Variants in DYM observed in about 807,000 individuals in gnomAD.
DYM encodes the protein dyggve-Melchior-Clausen syndrome protein.
DYM carries 78 observed loss-of-function variants against 93.1 expected under a neutral mutation model. The observed-to-expected ratio is 0.84, with a 90% confidence interval of 0.70 to 1.01. DYM has a LOEUF of 1.01. Ranked by LOEUF, DYM falls within the 50% of genes least tolerant of loss-of-function variation. The pLI is 0.00. For missense variants in DYM, 789 were observed against 845.0 expected (o/e 0.93, Z 0.82); for synonymous variants, 321 against 319.7 (o/e 1.00, Z -0.04).
chr18:49,085,841 G>T (rs1054494652), intron 17 of DYM, among the ~76,000 whole-genome samples: 1 of 152,132 alleles, frequency 6.6e-6, no homozygotes, highest in African/African-American at 2.4e-5. Flanking sequence ...CGTCTGACTG[G>T]TGATCCACCC....
intron 14 of DYM, among the ~76,000 whole-genome samples, chr18:49,178,018 G>C (rs1366686386): frequency 6.6e-6 from 1 of 152,068 alleles, no homozygotes; most frequent in Non-Finnish European, 1.5e-5. Context: ...CCTGAATAAA[G>C]AAGTAGCTCC....
intron 11 of DYM, among the ~76,000 whole-genome samples, chr18:49,266,042 C>G (rs921787499): frequency 6.6e-6 from 1 of 151,954 alleles, no homozygotes; most frequent in Non-Finnish European, 1.5e-5. Flanking sequence ...TGCTTGTAAT[C>G]CCAGCTACTT....
chr18:49,400,761 C>G (rs2070723250), intron 2 of DYM, among the ~76,000 whole-genome samples: 1 of 152,018 alleles, frequency 6.6e-6, no homozygotes, highest in Non-Finnish European at 1.5e-5. Flanking sequence ...ATTTTCTAAA[C>G]TTCTTGGAAC....
intron 13 of DYM, among the ~76,000 whole-genome samples, chr18:49,220,664 C>A (rs36154537): frequency 7.9e-5 from 12 of 151,916 alleles, no homozygotes; most frequent in African/African-American, 1.7e-4. Flanking sequence ...AAAGGATTCC[C>A]TATTTAATAA....
rs1239563129 is a variant in DYM at position 49,272,297 on chromosome 18, G to A, written c.1132C>T (p.Pro378Ser). 6.5e-7 allele frequency: 1 copy of A among 1,533,374 alleles called. No homozygotes were observed. The highest frequency in any genetic ancestry group is 9.0e-7 in the Non-Finnish European group (1 of 1,107,604). The allele number at this position is 1,533,374 out of a possible 1,614,324, so 95.0% of individuals were successfully genotyped here. A position where few individuals can be genotyped will look rare whatever the true frequency, so the allele number is the denominator to read the frequency against. ...ACATGATACAGAATCTCAAGAATTG[G>A]TAAAACCTAGAGAATAAAAATTATA... The part of the protein sequence containing the change: ...ARTDMENLVL[P>S]ILEILYHVEE... Residue 378 changes from proline (P) to serine (S), a missense_variant, in exon 11 of 18, where the codon CCA (proline) becomes TCA (serine). Pro to Ser is a moderately conservative substitution (Grantham distance 74). This residue lies in a region of DYM where 450 missense variants were observed against 436.2 expected (regional missense o/e 1.03). Coordinates refer to ENST00000675505, the MANE Select transcript of DYM (RefSeq NM_001353214.3).
intron 13 of DYM, among the ~76,000 whole-genome samples, chr18:49,220,663 C>T (rs966272761): frequency 1.3e-5 from 2 of 152,056 alleles, no homozygotes; most frequent in South Asian, 2.1e-4. Flanking sequence ...GAAAGGATTC[C>T]CTATTTAATA....
chr18:49,308,279 C>A (rs905052763), intron 8 of DYM, among the ~76,000 whole-genome samples: 2 of 117,340 alleles, frequency 1.7e-5, no homozygotes, highest in Non-Finnish European at 3.6e-5. Context: ...ATTTCATACA[C>A]ACTTGTGTGT....
rs575798213 is a variant in DYM at position 49,227,371 on chromosome 18, T to C, written c.1461-17656A>G. Among the ~76,000 whole-genome samples, 14 of 152,290 alleles carry C rather than the reference T, an allele frequency of 9.2e-5. No homozygotes were observed. In the East Asian group the frequency reaches 2.7e-3, roughly 29 times the overall value. ...AAATATTTATGTCATATCCTTTCTATAGCAGAGCAGTAAAAATACACACAA... is the reference window on the plus strand; with the variant it reads ...AAATATTTATGTCATATCCTTTCTACAGCAGAGCAGTAAAAATACACACAA... On this transcript the variant is annotated intron_variant, in intron 13 of 17. Transcript: ENST00000675505.
intron 2 of DYM, among the ~76,000 whole-genome samples, chr18:49,398,574 T>C (rs1252560745): frequency 6.6e-6 from 1 of 152,222 alleles, no homozygotes; most frequent in Non-Finnish European, 1.5e-5. Flanking sequence ...GTAAAAGCTT[T>C]GCAGAAAGAA....
chr18:49,123,341 T>C (rs1389788796), intron 15 of DYM, among the ~76,000 whole-genome samples: 1 of 152,164 alleles, frequency 6.6e-6, no homozygotes, highest in Non-Finnish European at 1.5e-5. Flanking sequence ...TGCCCTGCAA[T>C]CATACTAAAG....
chr18:49,178,749 T>C (rs1359152456), intron 14 of DYM, among the ~76,000 whole-genome samples: 1 of 152,166 alleles, frequency 6.6e-6, no homozygotes, highest in Non-Finnish European at 1.5e-5. Context: ...AATATAGTCC[T>C]TTATTATAAC....
chr18:49,250,754 GA>G (rs2094268385), intron 13 of DYM, among the ~76,000 whole-genome samples: 1 of 152,174 alleles, frequency 6.6e-6, no homozygotes, highest in African/African-American at 2.4e-5. Flanking sequence ...GTGACACAAA[GA>G]ACTGCCTCAA....
intron 3 of DYM, among the ~76,000 whole-genome samples, chr18:49,382,511 T>C (rs903419744): frequency 2.0e-5 from 3 of 152,170 alleles, no homozygotes; most frequent in African/African-American, 4.8e-5. Flanking sequence ...TCACAGTTAA[T>C]TGGTGCAAAT....
intron 13 of DYM, among the ~76,000 whole-genome samples, chr18:49,216,644 G>A (rs905053942): frequency 6.6e-6 from 1 of 152,146 alleles, no homozygotes; most frequent in Non-Finnish European, 1.5e-5. Flanking sequence ...AGGCAAACAG[G>A]GTCTGGAGTG....
chr18:49,359,902 G>A (rs1953537261), intron 6 of DYM: 1 of 152,144 alleles, frequency 6.6e-6, no homozygotes, highest in Non-Finnish European at 1.5e-5. Flanking sequence ...ACTACAGTTA[G>A]AGGAAATGAA....
At chr18:49,286,307 T>C (rs1219516483) in intron 9 of DYM, 127 bp downstream of exon 9, 2 of 1,089,022 alleles carry the variant, frequency 1.8e-6, no homozygotes, top group African/African-American at 3.1e-5. Context: ...CTAAAGTTTT[T>C]CTCATGTTTG....
chr18:49,456,085 C>T (rs73445802), intron 1 of DYM, among the ~76,000 whole-genome samples: 3,632 of 152,270 alleles, frequency 0.024, 138 homozygotes, highest in African/African-American at 0.081. Context: ...AGTGGACAGT[C>T]ACTTCTTTAT....
rs369696317 is a variant in DYM, at chr18:49,163,760, G to T, written c.1653C>A (p.His551Gln). ...GTGTGGCTTGTTCCAGAACTTTGTTGTGTTTTTTAGACAGCAAAGAAAATA... is the reference window on the plus strand; with the variant it reads ...GTGTGGCTTGTTCCAGAACTTTGTTTTGTTTTTTAGACAGCAAAGAAAATA... The part of the protein sequence containing the change: ...SSLFSLLSKK[H>Q]NKVLEQATQS... Residue 551 changes from histidine (H) to glutamine (Q), a missense_variant, in exon 15 of 18, where the codon CAC becomes CAA. By Grantham distance (24) the His-to-Gln change is conservative. This residue lies in a region of DYM where 225 missense variants were observed against 303.0 expected (regional missense o/e 0.74). Transcript: ENST00000675505. The T allele has an allele frequency of 6.2e-7, 1 of 1,611,332 alleles. No individual in the cohort carries two copies. The highest frequency in any genetic ancestry group is 8.5e-7 in the Non-Finnish European group (1 of 1,178,492).
At chr18:49,304,453 C>T (rs1485415349) in intron 8 of DYM, among the ~76,000 whole-genome samples, 1 of 152,210 alleles carries the variant, frequency 6.6e-6, no homozygotes, top group Non-Finnish European at 1.5e-5. Context: ...ACTGAGCCTT[C>T]TGGAGCACAC....
Sources: allele counts gnomAD v4.1 joint callset (sites outside exome capture counted in the v4.1 genomes callset), GRCh38; gene constraint gnomAD v4.1.1; regional missense constraint gnomAD v4.1.1; transcripts MANE v1.5; gene names NCBI Gene and HGNC (gene_info 2026-07-23, HGNC 2026-07-21).